TENM3: variants seen among roughly 807,000 people sequenced by gnomAD.
The protein encoded by TENM3 is teneurin-3.
A neutral mutation model predicts 255.1 loss-of-function variants in TENM3; 63 were observed. That is an observed-to-expected ratio of 0.25 (90% CI 0.20 to 0.30). The LOEUF is 0.30. Among genes scored for constraint, TENM3 ranks in the 10% least tolerant of loss-of-function variants. The pLI is 1.00. For missense variants in TENM3, 2,929 were observed against 3,461.1 expected (o/e 0.85, Z 3.86); for synonymous variants, 1,306 against 1,322.3 (o/e 0.99, Z 0.27).
At chr4:181,561,678 A>G in the TENM3 span, among the ~76,000 whole-genome samples, 1 of 152,162 alleles carries the variant, frequency 6.6e-6, no homozygotes, top group Non-Finnish European at 1.5e-5. Flanking sequence ...TTACTTAGGC[A>G]TTTTACATAT....
chr4:181,691,146 G>A, the TENM3 span, among the ~76,000 whole-genome samples: 4 of 152,068 alleles, frequency 2.6e-5, no homozygotes, highest in Admixed American at 6.6e-5. Context: ...TACACTCAGA[G>A]ACTGAATAAG....
At chr4:181,635,976 T>G in the TENM3 span, among the ~76,000 whole-genome samples, 39 of 152,256 alleles carry the variant, frequency 2.6e-4, no homozygotes, top group African/African-American at 9.2e-4. Flanking sequence ...ATGCCATATA[T>G]AAATATACAT....
chr4:181,908,106 T>G, the TENM3 span, among the ~76,000 whole-genome samples: 23 of 152,246 alleles, frequency 1.5e-4, no homozygotes, highest in African/African-American at 5.5e-4. Flanking sequence ...ATTTGTCTTA[T>G]TCCATCCTTT....
the TENM3 span, among the ~76,000 whole-genome samples, chr4:181,630,313 A>G: frequency 2.0e-5 from 3 of 150,308 alleles, no homozygotes; most frequent in Non-Finnish European, 4.4e-5. Context: ...GATTTTTTGA[A>G]GGGTTTTTTT....
the TENM3 span, among the ~76,000 whole-genome samples, chr4:181,758,990 A>C: frequency 1.3e-5 from 2 of 152,166 alleles, no homozygotes; most frequent in African/African-American, 4.8e-5. Flanking sequence ...AAAATTGTTT[A>C]AGTGTTTTAT....
chr4:181,615,394 A>T, the TENM3 span, among the ~76,000 whole-genome samples: 1 of 152,192 alleles, frequency 6.6e-6, no homozygotes, highest in Non-Finnish European at 1.5e-5. Flanking sequence ...TCACTTAATG[A>T]ATATCCCACG....
the TENM3 span, among the ~76,000 whole-genome samples, chr4:181,676,504 T>A: frequency 6.6e-6 from 1 of 151,948 alleles, no homozygotes; most frequent in Non-Finnish European, 1.5e-5. Flanking sequence ...GGACAGGTAG[T>A]TTTTCAACCC....
intron 3 of TENM3, among the ~76,000 whole-genome samples, chr4:182,544,091 G>A (rs1741173254): frequency 6.6e-6 from 1 of 152,132 alleles, no homozygotes; most frequent in Non-Finnish European, 1.5e-5. Flanking sequence ...AAATAAGTGA[G>A]TTATCAGATT....
chr4:181,542,816 G>A, the TENM3 span, among the ~76,000 whole-genome samples: 13 of 152,140 alleles, frequency 8.5e-5, no homozygotes, highest in East Asian at 7.7e-4. Flanking sequence ...AAATATCTCC[G>A]CATGTTAGAG....
At chr4:181,830,362 G>C in the TENM3 span, among the ~76,000 whole-genome samples, 61 of 152,132 alleles carry the variant, frequency 4.0e-4, no homozygotes, top group African/African-American at 1.3e-3. Flanking sequence ...TCCCCATCCC[G>C]GGTTCAAGTG....
At chr4:182,626,639 T>G in intron 4 of TENM3, among the ~76,000 whole-genome samples, 1 of 152,184 alleles carries the variant, frequency 6.6e-6, no homozygotes, top group East Asian at 1.9e-4. Context: ...TCAGAGCGCT[T>G]AATAACCAGG....
the TENM3 span, among the ~76,000 whole-genome samples, chr4:181,612,045 A>G: frequency 6.6e-6 from 1 of 152,094 alleles, no homozygotes; most frequent in Admixed American, 6.6e-5. Flanking sequence ...CTCAGGAAAA[A>G]TATATTTTTT....
At chr4:181,953,684 A>G in the TENM3 span, among the ~76,000 whole-genome samples, 3 of 152,118 alleles carry the variant, frequency 2.0e-5, no homozygotes, top group African/African-American at 7.2e-5. Flanking sequence ...TGTCTCAAAA[A>G]AGAAAAAAAG....
the TENM3 span, among the ~76,000 whole-genome samples, chr4:181,894,869 T>C: frequency 0.36 from 54,826 of 152,024 alleles, 10,527 homozygotes; most frequent in Middle Eastern, 0.52. Flanking sequence ...TTGTAATGCA[T>C]GCATATTTAT....
chr4:182,359,160 G>A (rs1561361986), intron 3 of TENM3, among the ~76,000 whole-genome samples: 1 of 152,152 alleles, frequency 6.6e-6, no homozygotes, highest in Non-Finnish European at 1.5e-5. Flanking sequence ...TGTTCATCAA[G>A]GATATTGGTC....
the TENM3 span, among the ~76,000 whole-genome samples, chr4:181,744,373 C>T: frequency 1.3e-5 from 2 of 152,132 alleles, no homozygotes; most frequent in African/African-American, 2.4e-5. Context: ...CAAATTATAT[C>T]TCTGCCTCTA....
the TENM3 span, among the ~76,000 whole-genome samples, chr4:181,620,150 A>G: frequency 6.6e-6 from 1 of 151,866 alleles, no homozygotes; most frequent in Non-Finnish European, 1.5e-5. Flanking sequence ...GGTCCCAGCT[A>G]CTCGGGAGGC....
At chr4:182,534,151 C>T (rs1580855039) in intron 3 of TENM3, among the ~76,000 whole-genome samples, 1 of 152,102 alleles carries the variant, frequency 6.6e-6, no homozygotes, top group East Asian at 1.9e-4. Flanking sequence ...TTAATGATGA[C>T]ATCATAGTAC....
chr4:181,892,924 T>G, the TENM3 span, among the ~76,000 whole-genome samples: 12 of 152,164 alleles, frequency 7.9e-5, no homozygotes, highest in African/African-American at 2.7e-4. Flanking sequence ...AACTGTGAAT[T>G]GTACCATTTT....
Sources: gnomAD v4.1 joint callset for allele counts (sites outside exome capture counted in the v4.1 genomes callset) on GRCh38, gnomAD v4.1.1 for gene constraint, MANE v1.5 for transcripts, NCBI Gene and HGNC (gene_info 2026-07-23, HGNC 2026-07-21) for gene names.